Variants in PCLO observed in about 807,000 individuals in gnomAD.
PCLO encodes the protein protein piccolo.
In PCLO, 82 loss-of-function variants were observed where a neutral mutation model predicts 427.5. That is an observed-to-expected ratio of 0.19 (90% confidence interval 0.16 to 0.23). The LOEUF is 0.23. PCLO is among the 10% of genes least tolerant of loss of function. The probability of loss-of-function intolerance (pLI) is 1.00; values close to 1 mark genes in which losing one functional copy is unlikely to be tolerated. For missense variants in PCLO, 6,239 were observed against 6,115.9 expected, an observed-to-expected ratio of 1.02 and a Z score of -0.67; for synonymous variants, 2,357 against 2,155.4, an observed-to-expected ratio of 1.09 and a Z score of -2.59.
chr7:82,869,447 C>T lies in PCLO; in HGVS notation c.13654+9890G>A, dbSNP rs112902324. On this transcript the variant is annotated intron_variant, in intron 10 of 24. Coordinates refer to ENST00000333891, the MANE Select transcript of PCLO (RefSeq NM_033026.6). ...TCAGTCTCTTCAATGAAATTACTATCAAATCTCAACAGAGATTGTCATGAA... is the reference window on the plus strand; with the variant it reads ...TCAGTCTCTTCAATGAAATTACTATTAAATCTCAACAGAGATTGTCATGAA... Among the ~76,000 whole-genome samples the T allele has an allele frequency of 4.7e-3, 718 of 152,116 alleles. 4 individuals are homozygous for T. Among genetic ancestry groups the T allele is most frequent in the African/African-American group, 0.014 (564 of 41,536 alleles).
intron 22 of PCLO, among the ~76,000 whole-genome samples, chr7:82,787,839 T>A (rs1188851037): frequency 6.6e-6 from 1 of 152,112 alleles, no homozygotes; most frequent in Non-Finnish European, 1.5e-5. Context: ...TTGACCTAAA[T>A]TTTGACCTAG....
intron 7 of PCLO, chr7:82,914,417 T>C (rs915218132): frequency 3.6e-6 from 2 of 552,254 alleles, no homozygotes; most frequent in African/African-American, 1.9e-5. Flanking sequence ...TATTTGATAA[T>C]GGTTTTAGAA....
At chr7:82,803,355 A>G (rs1282853049) in intron 21 of PCLO, among the ~76,000 whole-genome samples, 1 of 152,042 alleles carries the variant, frequency 6.6e-6, no homozygotes, top group Non-Finnish European at 1.5e-5. Context: ...ACTATCCCAG[A>G]CTTTTAAAAA....
Position 83,156,285 on chromosome 7 carries a change from A to G in PCLO, c.356T>C (p.Phe119Ser). ...GLSKSRTTDT[F>S]RSEQKLPGRS... ...CCCAGGCAATTTCTGCTCTGACCTGAAAGTGTCTGTAGTTCTACTTTTACT... is the reference window on the plus strand; with the variant it reads ...CCCAGGCAATTTCTGCTCTGACCTGGAAGTGTCTGTAGTTCTACTTTTACT... Residue 119 changes from phenylalanine (F) to serine (S), a missense_variant, in exon 2 of 25, where the codon TTC (phenylalanine) becomes TCC (serine). Around this residue, in one of 5 missense-constraint regions of PCLO, gnomAD observed 4,677 missense variants for 4,468.4 expected, o/e 1.05. Coordinates refer to ENST00000333891, the MANE Select transcript of PCLO (RefSeq NM_033026.6). 6.2e-7 allele frequency: 1 copy of G among 1,613,598 alleles called. No homozygotes were observed. The highest frequency in any genetic ancestry group is 8.5e-7 in the Non-Finnish European group (1 of 1,179,680).
intron 2 of PCLO, among the ~76,000 whole-genome samples, chr7:83,144,896 G>C (rs891947008): frequency 3.9e-5 from 6 of 152,158 alleles, no homozygotes; most frequent in Non-Finnish European, 4.4e-5. Flanking sequence ...CTGTTCATAA[G>C]AGTTGTTTTA....
intron 2 of PCLO, among the ~76,000 whole-genome samples, chr7:83,135,875 G>A (rs972979978): frequency 3.3e-5 from 5 of 151,960 alleles, no homozygotes; most frequent in African/African-American, 1.2e-4. Context: ...TGAGGTGAGT[G>A]GATCACAAGG....
rs1791743596 is a variant in PCLO, at chr7:83,136,845, ATGT to A, written c.1894-1192_1894-1190del. Reference sequence around the variant, plus strand: ...TTTGCATTGCATCTATTGTGAAAAGATGTTGTGTTTGATACCATATTTTACAAG... The same window carrying A: ...TTTGCATTGCATCTATTGTGAAAAGATGTGTTTGATACCATATTTTACAAG... On this transcript the variant is annotated intron_variant, in intron 2 of 24. Transcript: ENST00000333891. Among the ~76,000 whole-genome samples, 3 of 152,158 alleles carry A rather than the reference ATGT, an allele frequency of 2.0e-5. No individual in the cohort carries two copies. In the South Asian group the frequency reaches 6.2e-4, roughly 31 times the overall value.
At chr7:82,773,468 C>A (rs1790686267) in intron 22 of PCLO, among the ~76,000 whole-genome samples, 1 of 152,132 alleles carries the variant, frequency 6.6e-6, no homozygotes, top group South Asian at 2.1e-4. Context: ...CATCATTTCT[C>A]CCTCTTTGTC....
In PCLO at chr7:82,949,599, T is replaced by G; in HGVS notation, c.10989A>C (p.Lys3663Asn). Residue 3663 changes from lysine to asparagine, a missense_variant, in exon 6 of 25, where the codon AAA (lysine) becomes AAC (asparagine). By Grantham distance (94) the Lys-to-Asn change is moderately conservative. Around this residue, in one of 5 missense-constraint regions of PCLO, gnomAD observed 4,677 missense variants for 4,468.4 expected, o/e 1.05. Transcript: ENST00000333891. ...PQKVLHPDMA[K>N]VPPASPKTAK... ...CTGTCTTAGGACTTGCTGGGGGAAC[T>G]TTAGCCATATCTGGATGCAGTACTT... 2 of 1,613,858 alleles carry G rather than the reference T, an allele frequency of 1.2e-6. No homozygotes were observed. The highest frequency in any genetic ancestry group is 1.7e-6 in the Non-Finnish European group (2 of 1,179,826).
chr7:83,094,917 G>A (rs772002708), intron 3 of PCLO, among the ~76,000 whole-genome samples: 5 of 152,096 alleles, frequency 3.3e-5, no homozygotes, highest in Non-Finnish European at 5.9e-5. Flanking sequence ...AAATTGGTCT[G>A]TAATTTTCTT....
At chr7:82,885,655 A>AT (rs765152116) in intron 9 of PCLO, among the ~76,000 whole-genome samples, 6 of 152,158 alleles carry the variant, frequency 3.9e-5, no homozygotes, top group Non-Finnish European at 7.3e-5. Flanking sequence ...TACAGCAATG[A>AT]TTGAGCAGTG....
chr7:83,004,792 C>A (rs1001141875), intron 3 of PCLO, among the ~76,000 whole-genome samples: 1 of 151,176 alleles, frequency 6.6e-6, no homozygotes, highest in Non-Finnish European at 1.5e-5. Context: ...GTGCTAATAT[C>A]CAAAAAAAAT....
At chr7:82,917,234 A>G (rs1293209561) in intron 6 of PCLO, among the ~76,000 whole-genome samples, 2 of 152,120 alleles carry the variant, frequency 1.3e-5, no homozygotes, top group African/African-American at 4.8e-5. Flanking sequence ...TAATGCGCCT[A>G]TCTTCTCATT....
intron 6 of PCLO, among the ~76,000 whole-genome samples, chr7:82,917,307 T>C (rs1794491250): frequency 1.3e-5 from 2 of 152,106 alleles, no homozygotes; most frequent in Non-Finnish European, 2.9e-5. Context: ...TCAAATTATC[T>C]AATGTCTTTT....
chr7:82,952,762 G>A lies in PCLO; in HGVS notation c.8191C>T (p.Arg2731Cys), dbSNP rs200801599. The A allele has an allele frequency of 1.9e-4, 306 of 1,613,028 alleles. No homozygotes were observed. Among genetic ancestry groups the A allele is most frequent in the Non-Finnish European group, 2.5e-4 (299 of 1,179,414 alleles). The change falls in exon 5 of 25, where the codon CGT (arginine) becomes TGT (cysteine). Residue 2731 changes from arginine (R) to cysteine (C), a missense_variant. Arg to Cys is a radical substitution (Grantham distance 180). This residue lies in a region of PCLO where 4,677 missense variants were observed against 4,468.4 expected (regional missense o/e 1.05). Coordinates refer to ENST00000333891, the MANE Select transcript of PCLO (RefSeq NM_033026.6). Reference protein sequence around the residue: ...LQLVGDVIDLRTVPKVEVKTT... With the variant: ...LQLVGDVIDLCTVPKVEVKTT... Reference sequence around the variant, plus strand: ...TTAACTTCTACCTTTGGTACTGTACGCAAATCAATTACATCACCAACAAGT... The same window carrying A: ...TTAACTTCTACCTTTGGTACTGTACACAAATCAATTACATCACCAACAAGT...
At position 82,758,735 on chromosome 7, in the gene PCLO, A is replaced by T. The variant is rs753307196; in HGVS notation, c.15289-20T>A. 6.8e-7 allele frequency: 1 copy of T among 1,469,790 alleles called. No individual in the cohort carries two copies. Among genetic ancestry groups the T allele is most frequent in the Non-Finnish European group, 9.5e-7 (1 of 1,055,756 alleles). The allele number at this position is 1,469,790 out of a possible 1,614,324, so 91.0% of individuals were successfully genotyped here. A position where few individuals can be genotyped will look rare whatever the true frequency, so the allele number is the denominator to read the frequency against. ...TAAAATCTAGAAAAAATAGGCAAAA[A>T]TAAACATATTTAATTTATACACATA... On this transcript the variant is annotated intron_variant, in intron 24 of 24. Transcript: ENST00000333891.
chr7:83,070,339 T>G (rs1225615606), intron 3 of PCLO, among the ~76,000 whole-genome samples: 8 of 151,742 alleles, frequency 5.3e-5, no homozygotes, highest in Admixed American at 4.6e-4. Flanking sequence ...CATTCTTGAT[T>G]CTCAATAACT....
At chr7:82,798,158 G>A (rs1373526431) in intron 22 of PCLO, among the ~76,000 whole-genome samples, 1 of 152,042 alleles carries the variant, frequency 6.6e-6, no homozygotes, top group African/African-American at 2.4e-5. Context: ...TTGTAGATGA[G>A]TATTTCTTAG....
chr7:82,841,658 T>C, intron 13 of PCLO, 149 bp from the exon 14 acceptor site: 1 of 602,482 alleles, frequency 1.7e-6, no homozygotes, highest in South Asian at 2.2e-5. Flanking sequence ...AGAATAATGG[T>C]GTCTACTTAC....
Sources: allele counts gnomAD v4.1 joint callset (sites outside exome capture counted in the v4.1 genomes callset), GRCh38; gene constraint gnomAD v4.1.1; regional missense constraint gnomAD v4.1.1; transcripts MANE v1.5; gene names NCBI Gene and HGNC (gene_info 2026-07-23, HGNC 2026-07-21).